The following CFAP92 variants were observed in gnomAD, a reference collection of about 807,000 sequenced individuals.
The protein encoded by CFAP92 is cilia and flagella associated protein 92 (putative).
CFAP92 carries 86 observed loss-of-function variants against 106.3 expected under a neutral mutation model. The ratio of observed to expected loss-of-function variants is 0.81; its 90% CI spans 0.68 to 0.97. CFAP92 has a LOEUF of 0.97. Ranked by LOEUF, CFAP92 falls within the 50% of genes least tolerant of loss-of-function variation. The probability of loss-of-function intolerance (pLI) is 0.00; values close to 1 mark genes in which losing one functional copy is unlikely to be tolerated. For missense variants in CFAP92, 1,204 were observed against 1,283.8 expected (o/e 0.94, Z 0.95); for synonymous variants, 477 against 506.4 (o/e 0.94, Z 0.78).
chr3:128,973,512 C>G (rs1391395127), intron 7 of CFAP92, among the ~76,000 whole-genome samples: 2 of 152,092 alleles, frequency 1.3e-5, no homozygotes. Flanking sequence ...CAAAACTAGC[C>G]AGGCATGGTA....
At position 128,910,133 on chromosome 3, in the gene CFAP92, GC is replaced by G; in HGVS notation, c.*165del. ...AGCCGCTCCATCCGCATTGGGCTCC[GC>G]AACCACGACCACGAGGTGAGCCCAG... On this transcript the variant is annotated 3_prime_UTR_variant, in exon 16 of 16. Transcript: ENST00000645291. The G allele has an allele frequency of 6.2e-7, 1 of 1,613,976 alleles. No individual in the cohort carries two copies.
chr3:128,925,458 C>A (rs938182193), intron 12 of CFAP92, among the ~76,000 whole-genome samples: 1 of 151,964 alleles, frequency 6.6e-6, no homozygotes, highest in Non-Finnish European at 1.5e-5. Context: ...GGGTTGGGGA[C>A]CCCTGCATCA....
At chr3:128,912,194 G>C (rs1045174956) in intron 15 of CFAP92, among the ~76,000 whole-genome samples, 1 of 152,224 alleles carries the variant, frequency 6.6e-6, no homozygotes, top group Non-Finnish European at 1.5e-5. Context: ...GCTGTGGAGG[G>C]TGCTGAAATG....
intron 9 of CFAP92, among the ~76,000 whole-genome samples, chr3:128,958,055 G>A (rs368373340): frequency 1.3e-5 from 2 of 152,154 alleles, no homozygotes; most frequent in African/African-American, 2.4e-5. Context: ...TTCCCTCTAC[G>A]TGTGTCTGTC....
At chr3:128,923,434 A>G (rs1369779260) in intron 12 of CFAP92, among the ~76,000 whole-genome samples, 1 of 152,174 alleles carries the variant, frequency 6.6e-6, no homozygotes, top group Non-Finnish European at 1.5e-5. Context: ...TAATGGACCA[A>G]TGCTTTCTGA....
At chr3:128,993,788 C>T (rs1392347145) in intron 1 of CFAP92, 192 bp downstream of exon 1, 2 of 389,636 alleles carry the variant, frequency 5.1e-6, no homozygotes, top group Non-Finnish European at 7.9e-6. Context: ...GGAGGGCAAG[C>T]CCTGTCCCCA....
chr3:128,982,500 C>T (rs1254958143), intron 4 of CFAP92, among the ~76,000 whole-genome samples: 1 of 152,184 alleles, frequency 6.6e-6, no homozygotes, highest in Non-Finnish European at 1.5e-5. Flanking sequence ...GTTTCACTTT[C>T]TTATCATTCC....
chr3:128,928,720 G>T (rs752900044), intron 12 of CFAP92, among the ~76,000 whole-genome samples: 2 of 152,070 alleles, frequency 1.3e-5, no homozygotes, highest in African/African-American at 2.4e-5. Flanking sequence ...AATGATCTTC[G>T]TAACTTTAAG....
At chr3:129,003,469 T>C (rs12695513), upstream of CFAP92, among the ~76,000 whole-genome samples, 103,453 of 151,666 alleles carry the variant, frequency 0.68, 36,854 homozygotes, top group African/African-American at 0.91. Context: ...ACGCCGCCAA[T>C]ACAGTAGGCC....
intron 9 of CFAP92, among the ~76,000 whole-genome samples, chr3:128,956,530 C>T (rs1941436100): frequency 6.6e-6 from 1 of 151,952 alleles, no homozygotes; most frequent in African/African-American, 2.4e-5. Flanking sequence ...AGTCAAACTT[C>T]TGTAAATTAA....
At chr3:128,927,486 C>G (rs554400689) in intron 12 of CFAP92, among the ~76,000 whole-genome samples, 3 of 151,950 alleles carry the variant, frequency 2.0e-5, no homozygotes, top group Non-Finnish European at 4.4e-5. Flanking sequence ...TTTGGGAGGC[C>G]GAGGCGGGTG....
chr3:128,961,164 A>T (rs1941881984), intron 9 of CFAP92, among the ~76,000 whole-genome samples: 1 of 152,182 alleles, frequency 6.6e-6, no homozygotes, highest in Non-Finnish European at 1.5e-5. Context: ...GGCACTTTAA[A>T]TTTTTCCATC....
chr3:128,936,186 C>G (rs1559870903), intron 10 of CFAP92, among the ~76,000 whole-genome samples: 1 of 152,224 alleles, frequency 6.6e-6, no homozygotes, highest in African/African-American at 2.4e-5. Context: ...CTGGCCTATG[C>G]CATTCCTCTG....
intron 8 of CFAP92, 27 bp downstream of exon 8, chr3:128,971,260 G>T: frequency 6.2e-7 from 1 of 1,613,644 alleles, no homozygotes; most frequent in Non-Finnish European, 8.5e-7. Context: ...AGCAGGAGCT[G>T]CTGGGAACAG....
At chr3:128,943,914 T>TCTC (rs1553747260) in intron 10 of CFAP92, among the ~76,000 whole-genome samples, 2 of 137,168 alleles carry the variant, frequency 1.5e-5, no homozygotes, top group Admixed American at 1.5e-4. Flanking sequence ...TTGGGTTATT[T>TCTC]CCCCCGTTTT....
chr3:128,961,430 C>T (rs933077095), intron 9 of CFAP92, among the ~76,000 whole-genome samples: 1 of 152,146 alleles, frequency 6.6e-6, no homozygotes, highest in Non-Finnish European at 1.5e-5. Context: ...CCAATTCTTC[C>T]TCAGCCTCCG....
the CFAP92 span, among the ~76,000 whole-genome samples, chr3:129,022,623 C>G: frequency 6.6e-6 from 1 of 152,172 alleles, no homozygotes; most frequent in African/African-American, 2.4e-5. Flanking sequence ...AACACCCAAC[C>G]GCACACAAGG....
At chr3:128,931,577 C>A (rs1938399755) in intron 12 of CFAP92, among the ~76,000 whole-genome samples, 1 of 147,312 alleles carries the variant, frequency 6.8e-6, no homozygotes. Flanking sequence ...ATGAAATAGC[C>A]AACTAGAGAA....
chr3:129,007,573 C>T (rs1945127771), upstream of CFAP92, among the ~76,000 whole-genome samples: 1 of 152,260 alleles, frequency 6.6e-6, no homozygotes, highest in South Asian at 2.1e-4. Flanking sequence ...TTCACAGATA[C>T]TGACTCACGC....
Sources: gnomAD v4.1 joint callset for allele counts (sites outside exome capture counted in the v4.1 genomes callset) on GRCh38, gnomAD v4.1.1 for gene constraint, MANE v1.5 for transcripts, NCBI Gene and HGNC (gene_info 2026-07-23, HGNC 2026-07-21) for gene names.